COPS7B: variants seen among roughly 807,000 people sequenced by gnomAD.
The protein encoded by COPS7B is COP9 signalosome complex subunit 7b.
COPS7B carries 9 observed loss-of-function variants against 33.4 expected under a neutral mutation model. The ratio of observed to expected loss-of-function variants is 0.27; its 90% CI spans 0.16 to 0.47. COPS7B has a LOEUF of 0.47. Among genes scored for constraint, COPS7B ranks in the 20% least tolerant of loss-of-function variants. COPS7B has a pLI of 0.99. For synonymous variants in COPS7B, 119 were observed against 126.3 expected (o/e 0.94, Z 0.39); for missense variants, 242 against 318.2 (o/e 0.76, Z 1.82).
At chr2:231,802,314 C>T (rs575721218) in intron 6 of COPS7B, among the ~76,000 whole-genome samples, 75 of 152,338 alleles carry the variant, frequency 4.9e-4, no homozygotes, top group African/African-American at 1.8e-3. Context: ...AGGGACTCTC[C>T]ATCACCCAGT....
chr2:231,796,458 T>G (rs2049574006), intron 5 of COPS7B, 150 bp downstream of exon 5: 1 of 653,030 alleles, frequency 1.5e-6, no homozygotes, highest in Non-Finnish European at 2.7e-6. Flanking sequence ...GGAGCTACAT[T>G]TGTGATCACA....
In COPS7B at chr2:231,796,118, T is replaced by A. The variant is rs2049561683; in HGVS notation, c.340T>A (p.Ser114Thr). 1 of 1,613,700 alleles carries A rather than the reference T, an allele frequency of 6.2e-7. No individual in the cohort carries two copies. Residue 114 changes from serine to threonine, a missense_variant, in exon 5 of 7, where the codon TCC becomes ACC. Physicochemically the swap from Ser to Thr is moderately conservative, Grantham distance 58. Coordinates refer to ENST00000350033, the MANE Select transcript of COPS7B (RefSeq NM_022730.4). ...GCCTTATCTACAGTGTATCCCCTAC[T>A]CCGTGTTGCTGAAAGACCTGGAGAT... ...LASRMKCIPY[S>T]VLLKDLEMRN...
upstream of COPS7B, chr2:231,781,994 CA>C: frequency 9.6e-7 from 1 of 1,046,798 alleles, no homozygotes; most frequent in Admixed American, 2.4e-5. Context: ...ACATGTATTT[CA>C]GGGTTTTTTG....
intron 1 of COPS7B, among the ~76,000 whole-genome samples, 176 bp downstream of exon 1, chr2:231,786,714 G>T (rs2049256360): frequency 6.6e-6 from 1 of 152,046 alleles, no homozygotes; most frequent in African/African-American, 2.4e-5. Flanking sequence ...GGAGCATACC[G>T]CCCACCGTGA....
Position 231,788,565 on chromosome 2 carries a change from C to T in COPS7B, c.-6C>T. 6.2e-7 allele frequency: 1 copy of T among 1,612,418 alleles called. No individual in the cohort carries two copies. The highest frequency in any genetic ancestry group is 8.5e-7 in the Non-Finnish European group (1 of 1,179,758). On this transcript the variant is annotated 5_prime_UTR_variant, in exon 2 of 7. Transcript: ENST00000350033. ...TTTTCTTTTGGACAGATTTCAAGGC[C>T]AGAGAATGGCAGGGGAACAGAAACC...
intron 5 of COPS7B, 130 bp downstream of exon 5, chr2:231,796,438 G>C: frequency 1.4e-6 from 1 of 716,474 alleles, no homozygotes; most frequent in Non-Finnish European, 2.4e-6. Flanking sequence ...GGCTTAGTGA[G>C]CCGGAGAGTG....
intron 6 of COPS7B, 32 bp from the exon 7 acceptor site, chr2:231,807,455 C>T: frequency 6.3e-7 from 1 of 1,590,044 alleles, no homozygotes; most frequent in Non-Finnish European, 8.6e-7. Flanking sequence ...CACATACAGG[C>T]TGAGCACTCC....
chr2:231,807,421 A>G (rs2106350823), intron 6 of COPS7B, 66 bp from the exon 7 acceptor site: 22 of 1,455,646 alleles, frequency 1.5e-5, no homozygotes, highest in Non-Finnish European at 2.0e-5. Flanking sequence ...AAGTGAAGAC[A>G]TAGTGAGAGC....
intron 1 of COPS7B, among the ~76,000 whole-genome samples, chr2:231,787,554 T>C (rs1032141498): frequency 4.6e-5 from 7 of 152,076 alleles, no homozygotes; most frequent in African/African-American, 1.7e-4. Flanking sequence ...CCCAAATCTT[T>C]TTATCGTTTT....
chr2:231,792,615 T>G (rs969905796), intron 3 of COPS7B, among the ~76,000 whole-genome samples: 1 of 152,228 alleles, frequency 6.6e-6, no homozygotes, highest in Non-Finnish European at 1.5e-5. Context: ...CAGTTTTATG[T>G]CTTGCTTGTT....
At chr2:231,795,724 G>A (rs1310144646) in intron 4 of COPS7B, among the ~76,000 whole-genome samples, 1 of 152,194 alleles carries the variant, frequency 6.6e-6, no homozygotes, top group African/African-American at 2.4e-5. Flanking sequence ...TCTTTCCAGT[G>A]ACTGGGATCT....
chr2:231,790,199 A>G lies in COPS7B; in HGVS notation c.162+1467A>G, dbSNP rs550034883. On this transcript the variant is annotated intron_variant, in intron 2 of 6. Transcript: ENST00000350033. ...TCCTTCAGGTTCATGAACAGCCTGC[A>G]TGAATATGCCAAGTAGTTGTTTTGT... 5.3e-5 allele frequency: 8 copies of G among 152,350 alleles called. No homozygotes were observed. The East Asian group carries it at 1.5e-3, about 29-fold the overall frequency. 9.4% of individuals were successfully genotyped at this position (152,350 alleles called of 1,614,324 possible).
At position 231,796,326 on chromosome 2, in the gene COPS7B, A is replaced by G. The variant is rs1358049539; in HGVS notation, c.530+18A>G. On this transcript the variant is annotated intron_variant, in intron 5 of 6. Transcript: ENST00000350033. ...CATGAATGGTGAGGCTAAAAGGAGG[A>G]GGGGGATATCTAGCATGTCTTTTGT... is the stretch of plus-strand genomic sequence containing the variant. The G allele has an allele frequency of 6.2e-6, 10 of 1,608,616 alleles. No homozygotes were observed. In the Admixed American group the frequency reaches 1.7e-4, roughly 27 times the overall value.
chr2:231,790,172 G>A (rs1236929776), intron 2 of COPS7B: 2 of 152,196 alleles, frequency 1.3e-5, no homozygotes, highest in African/African-American at 4.8e-5. Context: ...GGGGTAATAT[G>A]TTCCTTCAGG....
chr2:231,783,058 T>C (rs890757408), upstream of COPS7B, among the ~76,000 whole-genome samples: 21 of 152,234 alleles, frequency 1.4e-4, no homozygotes, highest in African/African-American at 5.1e-4. Context: ...TAATACAGTA[T>C]GTACAGTATG....
intron 6 of COPS7B, among the ~76,000 whole-genome samples, chr2:231,804,728 A>G (rs1163139946): frequency 6.6e-6 from 1 of 152,220 alleles, no homozygotes; most frequent in East Asian, 1.9e-4. Flanking sequence ...CATTTTGGAA[A>G]TACAGTCCTT....
chr2:231,784,994 A>G (rs575100331), upstream of COPS7B, among the ~76,000 whole-genome samples: 33 of 152,304 alleles, frequency 2.2e-4, no homozygotes, highest in African/African-American at 7.9e-4. Flanking sequence ...TATTTTTAGT[A>G]GAGACAGAGT....
At chr2:231,802,474 T>G (rs2049777285) in intron 6 of COPS7B, among the ~76,000 whole-genome samples, 1 of 152,252 alleles carries the variant, frequency 6.6e-6, no homozygotes, top group Non-Finnish European at 1.5e-5. Flanking sequence ...GGAGCTAGGC[T>G]GCATTTTTGC....
intron 2 of COPS7B, chr2:231,789,420 A>G (rs2049345464): frequency 6.6e-6 from 1 of 152,356 alleles, no homozygotes; most frequent in Non-Finnish European, 1.5e-5. Context: ...CTTATTGAGA[A>G]AAGTCTGTAA....
Sources: gnomAD v4.1 joint callset for allele counts (sites outside exome capture counted in the v4.1 genomes callset) on GRCh38, gnomAD v4.1.1 for gene constraint, MANE v1.5 for transcripts, NCBI Gene and HGNC (gene_info 2026-07-23, HGNC 2026-07-21) for gene names.